Variants in GRID2 observed in about 807,000 individuals in gnomAD.
The protein encoded by GRID2 is glutamate ionotropic receptor delta type subunit 2.
A neutral mutation model predicts 114.8 loss-of-function variants in GRID2; 33 were observed. The ratio of observed to expected loss-of-function variants is 0.29; its 90% CI spans 0.22 to 0.38. The LOEUF is 0.38. GRID2 is among the 10% of genes least tolerant of loss of function. The probability of loss-of-function intolerance (pLI) is 1.00; values close to 1 mark genes in which losing one functional copy is unlikely to be tolerated. For synonymous variants in GRID2, 505 were observed against 449.9 expected, an observed-to-expected ratio of 1.12 and a Z score of -1.55; for missense variants, 1,184 against 1,257.7, an observed-to-expected ratio of 0.94 and a Z score of 0.89.
intron 4 of GRID2, among the ~76,000 whole-genome samples, chr4:93,163,916 T>G (rs1737999129): frequency 6.6e-6 from 1 of 151,982 alleles, no homozygotes; most frequent in Non-Finnish European, 1.5e-5. Context: ...ATTATATGGA[T>G]TTTTAGATTA....
chr4:92,989,043 C>T (rs1021111573), intron 2 of GRID2, among the ~76,000 whole-genome samples: 11 of 151,890 alleles, frequency 7.2e-5, no homozygotes, highest in South Asian at 4.1e-4. Context: ...CATGGGAAGC[C>T]GAAGCGGGCA....
intron 4 of GRID2, among the ~76,000 whole-genome samples, chr4:93,177,887 A>ATGC (rs1172506831): frequency 6.6e-6 from 1 of 152,104 alleles, no homozygotes; most frequent in Non-Finnish European, 1.5e-5. Flanking sequence ...CTATATGTTA[A>ATGC]TGCTATACAG....
chr4:93,535,726 C>T (rs955459854), intron 13 of GRID2, among the ~76,000 whole-genome samples: 1 of 151,910 alleles, frequency 6.6e-6, no homozygotes, highest in Non-Finnish European at 1.5e-5. Context: ...GTCCCTTTGC[C>T]CATTTTTTAT....
chr4:92,733,429 T>C (rs1226668056), intron 2 of GRID2, among the ~76,000 whole-genome samples: 2 of 151,968 alleles, frequency 1.3e-5, no homozygotes, highest in African/African-American at 4.8e-5. Context: ...TTCAGTGACC[T>C]CTCCCGAGGA....
At chr4:92,589,648 G>A (rs1472516714) in intron 1 of GRID2, among the ~76,000 whole-genome samples, 3 of 151,848 alleles carry the variant, frequency 2.0e-5, no homozygotes, top group Admixed American at 1.3e-4. Flanking sequence ...AATGAAACCC[G>A]TGTTCAAAAA....
intron 1 of GRID2, among the ~76,000 whole-genome samples, chr4:93,796,769 C>T (rs546739803): frequency 6.6e-6 from 1 of 152,236 alleles, no homozygotes; most frequent in South Asian, 2.1e-4. Context: ...AGGCTGGTCT[C>T]AAACTGCTGA....
intron 2 of GRID2, among the ~76,000 whole-genome samples, chr4:92,765,198 A>T (rs1038497930): frequency 3.9e-5 from 6 of 152,204 alleles, no homozygotes; most frequent in African/African-American, 1.4e-4. Context: ...AAACTTAGAT[A>T]AAAATGGTAT....
chr4:93,619,815 G>A (rs1435476), intron 13 of GRID2, among the ~76,000 whole-genome samples: 36,378 of 152,116 alleles, frequency 0.24, 6,198 homozygotes, highest in African/African-American at 0.49. Flanking sequence ...AACTGAGGAA[G>A]CTGCATGCTT....
intron 2 of GRID2, among the ~76,000 whole-genome samples, chr4:92,820,985 C>G (rs975365917): frequency 4.0e-5 from 6 of 151,888 alleles, no homozygotes; most frequent in African/African-American, 1.5e-4. Flanking sequence ...TAAGATAAAA[C>G]AGCTAATTAT....
At chr4:93,796,582 C>T (rs1457060018) in intron 1 of GRID2, among the ~76,000 whole-genome samples, 2 of 152,170 alleles carry the variant, frequency 1.3e-5, no homozygotes, top group Non-Finnish European at 2.9e-5. Context: ...CTTGCTCTGT[C>T]GCCCAGGCTA....
intron 4 of GRID2, among the ~76,000 whole-genome samples, chr4:93,143,370 A>C (rs1735930847): frequency 6.6e-6 from 1 of 152,178 alleles, no homozygotes; most frequent in Admixed American, 6.6e-5. Flanking sequence ...TCCTAGTGAC[A>C]GTCCTGAATA....
intron 14 of GRID2, among the ~76,000 whole-genome samples, chr4:93,694,471 C>G (rs894007479): frequency 6.6e-6 from 1 of 152,150 alleles, no homozygotes; most frequent in African/African-American, 2.4e-5. Context: ...CTGGGTCTTG[C>G]GATCCATGTA....
At chr4:93,141,171 G>T (rs925908048) in intron 4 of GRID2, among the ~76,000 whole-genome samples, 1 of 151,782 alleles carries the variant, frequency 6.6e-6, no homozygotes, top group Non-Finnish European at 1.5e-5. Flanking sequence ...TATTTATTTT[G>T]TGTTATTATT....
intron 1 of GRID2, among the ~76,000 whole-genome samples, chr4:93,799,363 G>T (rs1213266841): frequency 6.6e-6 from 1 of 151,828 alleles, no homozygotes; most frequent in East Asian, 1.9e-4. Flanking sequence ...TAAAATGAGA[G>T]ATTTGGAATA....
At chr4:92,906,803 C>G (rs1411750578) in intron 2 of GRID2, among the ~76,000 whole-genome samples, 1 of 151,930 alleles carries the variant, frequency 6.6e-6, no homozygotes, top group Non-Finnish European at 1.5e-5. Context: ...GCCTTTTCCC[C>G]TAGAACAAAA....
intron 11 of GRID2, among the ~76,000 whole-genome samples, chr4:93,469,544 T>C (rs1361684153): frequency 6.6e-6 from 1 of 152,042 alleles, no homozygotes; most frequent in African/African-American, 2.4e-5. Context: ...TTCTTTTGCT[T>C]CACTCACAGA....
At chr4:92,739,067 A>G (rs1329412528) in intron 2 of GRID2, among the ~76,000 whole-genome samples, 3 of 152,168 alleles carry the variant, frequency 2.0e-5, no homozygotes, top group Admixed American at 2.0e-4. Context: ...AAGAGTAGCA[A>G]ATACTCACTC....
intron 2 of GRID2, among the ~76,000 whole-genome samples, chr4:92,990,281 G>GTATATATATATATATA (rs1424772351): frequency 4.0e-5 from 2 of 50,104 alleles, no homozygotes; most frequent in Admixed American, 2.3e-4. Context: ...ACGTAGATAT[G>GTATATATATATATATA]TGTGTGTATA....
intron 13 of GRID2, among the ~76,000 whole-genome samples, chr4:93,543,497 T>C (rs1379802949): frequency 6.6e-6 from 1 of 152,214 alleles, no homozygotes; most frequent in African/African-American, 2.4e-5. Context: ...TAGGTATTGT[T>C]ATAAACTGGA....
Sources: gnomAD v4.1 joint callset for allele counts (sites outside exome capture counted in the v4.1 genomes callset) on GRCh38, gnomAD v4.1.1 for gene constraint, MANE v1.5 for transcripts, NCBI Gene and HGNC (gene_info 2026-07-23, HGNC 2026-07-21) for gene names.